The following KCND3 variants were observed in gnomAD, a reference collection of about 807,000 sequenced individuals.
KCND3 encodes the protein A-type voltage-gated potassium channel KCND3.
A neutral mutation model predicts 51.1 loss-of-function variants in KCND3; 9 were observed. The observed-to-expected ratio is 0.18, with a 90% CI of 0.11 to 0.31. The LOEUF (loss-of-function observed/expected upper bound fraction) is 0.31. Among genes scored for constraint, KCND3 ranks in the 10% least tolerant of loss-of-function variants. The pLI is 1.00. For missense variants in KCND3, 526 were observed against 903.8 expected (o/e 0.58, Z 5.36); for synonymous variants, 349 against 368.0 (o/e 0.95, Z 0.59).
chr1:111,913,811 A>G (rs533062401), intron 2 of KCND3, among the ~76,000 whole-genome samples: 12 of 152,268 alleles, frequency 7.9e-5, no homozygotes, highest in Admixed American at 2.0e-4. Flanking sequence ...TGAGAGGACT[A>G]TTTAAGCCTG....
intron 2 of KCND3, among the ~76,000 whole-genome samples, chr1:111,869,953 G>A (rs779564082): frequency 6.6e-6 from 1 of 152,130 alleles, no homozygotes; most frequent in Non-Finnish European, 1.5e-5. Context: ...CTGAAATAAA[G>A]TGTTTGTATC....
At chr1:111,794,218 T>A (rs552888313) in intron 2 of KCND3, among the ~76,000 whole-genome samples, 1 of 152,374 alleles carries the variant, frequency 6.6e-6, no homozygotes, top group East Asian at 1.9e-4. Context: ...GGCTTAGGGA[T>A]AATTAAACTT....
intron 2 of KCND3, among the ~76,000 whole-genome samples, chr1:111,959,135 G>A (rs1297938459): frequency 6.6e-6 from 1 of 152,176 alleles, no homozygotes; most frequent in African/African-American, 2.4e-5. Flanking sequence ...TGCTTAAATA[G>A]AGAATGTGTT....
intron 2 of KCND3, among the ~76,000 whole-genome samples, chr1:111,921,800 T>G (rs1392217292): frequency 2.0e-5 from 3 of 152,104 alleles, no homozygotes; most frequent in African/African-American, 2.4e-5. Context: ...CATGGTTAAT[T>G]TTTTTCATTG....
At chr1:111,838,080 T>A (rs1274250924) in intron 2 of KCND3, among the ~76,000 whole-genome samples, 1 of 152,138 alleles carries the variant, frequency 6.6e-6, no homozygotes, top group Non-Finnish European at 1.5e-5. Context: ...CACTGTCAAG[T>A]CAGCTTAAAG....
intron 2 of KCND3, among the ~76,000 whole-genome samples, chr1:111,813,600 C>T (rs1334298785): frequency 2.0e-5 from 3 of 152,238 alleles, no homozygotes; most frequent in Non-Finnish European, 2.9e-5. Flanking sequence ...TAGCCACAGC[C>T]GGGCCAAGGG....
At chr1:111,889,814 G>T (rs559452679) in intron 2 of KCND3, among the ~76,000 whole-genome samples, 3 of 152,112 alleles carry the variant, frequency 2.0e-5, no homozygotes, top group African/African-American at 7.2e-5. Context: ...GAAAACAACA[G>T]AGCAGAAGAC....
chr1:111,981,975 C>T lies in KCND3; in HGVS notation c.752G>A (p.Arg251His). The change falls in exon 2 of 8, where the codon CGC becomes CAC. Residue 251 changes from arginine (R) to histidine (H), a missense_variant. Arg to His is a conservative substitution (Grantham distance 29). This residue lies in a region of KCND3 where 51 missense variants were observed against 84.7 expected (regional missense o/e 0.60). Coordinates refer to ENST00000302127, the MANE Select transcript of KCND3 (RefSeq NM_001378969.1). The surrounding 1 kb of genome is among the most constrained non-coding windows in gnomAD (Gnocchi z 6.2). ...YLLRLFAAPS[R>H]YRFIRSVMSI... ...CATGACGCTGCGGATGAAGCGGTAG[C>T]GGCTGGGAGCCGCGAAGAGCCGCAG... The T allele has an allele frequency of 1.9e-6, 3 of 1,613,920 alleles. No homozygotes were observed. Among genetic ancestry groups the T allele is most frequent in the Non-Finnish European group, 2.5e-6 (3 of 1,180,004 alleles).
chr1:111,935,647 T>C (rs550398578), intron 2 of KCND3, among the ~76,000 whole-genome samples: 2 of 152,330 alleles, frequency 1.3e-5, no homozygotes, highest in East Asian at 3.9e-4. Flanking sequence ...AACACTCAAG[T>C]GTGCCAGGAA....
chr1:111,869,232 A>T (rs1310555209), intron 2 of KCND3, among the ~76,000 whole-genome samples: 1 of 152,178 alleles, frequency 6.6e-6, no homozygotes, highest in African/African-American at 2.4e-5. Flanking sequence ...TTTTTAAAAA[A>T]TGAGCTCATG....
intron 2 of KCND3, among the ~76,000 whole-genome samples, chr1:111,946,554 G>C (rs570627002): frequency 1.6e-4 from 24 of 152,314 alleles, no homozygotes; most frequent in African/African-American, 5.3e-4. Flanking sequence ...GGGCCTGCCA[G>C]GATCACTCCC....
intron 2 of KCND3, among the ~76,000 whole-genome samples, chr1:111,966,829 T>C (rs1051161731): frequency 6.6e-6 from 1 of 152,012 alleles, no homozygotes; most frequent in Non-Finnish European, 1.5e-5. Flanking sequence ...TCTCTACCAG[T>C]GGAATGAACT....
intron 2 of KCND3, among the ~76,000 whole-genome samples, chr1:111,832,683 G>C (rs10857908): frequency 0.074 from 11,213 of 151,682 alleles, 706 homozygotes; most frequent in African/African-American, 0.17. Context: ...GTGTGTCCCC[G>C]CTCCCCACCC....
intron 2 of KCND3, among the ~76,000 whole-genome samples, chr1:111,896,399 A>T (rs1386987478): frequency 6.6e-6 from 1 of 152,114 alleles, no homozygotes; most frequent in African/African-American, 2.4e-5. Context: ...ACCACATGAC[A>T]TGTTCTCTGG....
chr1:111,952,729 G>C (rs1205318929), intron 2 of KCND3, among the ~76,000 whole-genome samples: 1 of 152,080 alleles, frequency 6.6e-6, no homozygotes, highest in African/African-American at 2.4e-5. Context: ...AAATATGAGA[G>C]AACCCAAAAC....
intron 2 of KCND3, among the ~76,000 whole-genome samples, chr1:111,788,674 G>T (rs971361839): frequency 2.0e-5 from 3 of 152,142 alleles, no homozygotes; most frequent in Non-Finnish European, 4.4e-5. Flanking sequence ...TTGCAGCTAG[G>T]GTTGTCTCCT....
chr1:111,919,493 AAAG>A (rs1283534889), intron 2 of KCND3, among the ~76,000 whole-genome samples: 1 of 152,094 alleles, frequency 6.6e-6, no homozygotes, highest in East Asian at 1.9e-4. Context: ...CAAGGACTGT[AAAG>A]AAGGCCAGAG....
chr1:111,914,265 A>C (rs990267726), intron 2 of KCND3, among the ~76,000 whole-genome samples: 1 of 132,434 alleles, frequency 7.6e-6, no homozygotes, highest in African/African-American at 2.8e-5. Flanking sequence ...AAAGAAGGAA[A>C]AAAGATTAAA....
intron 2 of KCND3, among the ~76,000 whole-genome samples, chr1:111,800,175 CTT>C (rs1665238179): frequency 7.4e-6 from 1 of 135,682 alleles, no homozygotes; most frequent in Non-Finnish European, 1.6e-5. Flanking sequence ...ACATGGGAGA[CTT>C]TTCATTTTGT....
Sources: allele counts gnomAD v4.1 joint callset (sites outside exome capture counted in the v4.1 genomes callset), GRCh38; gene constraint gnomAD v4.1.1; regional missense constraint gnomAD v4.1.1; non-coding constraint Gnocchi (gnomAD v3.1); transcripts MANE v1.5; gene names NCBI Gene and HGNC (gene_info 2026-07-23, HGNC 2026-07-21).